MSI2: variants seen among roughly 807,000 people sequenced by gnomAD.
The protein encoded by MSI2 is musashi RNA binding protein 2, also known as RNA-binding protein Musashi homolog 2.
Under a neutral mutation model 45.6 loss-of-function variants are expected in MSI2, and 17 were observed. The ratio of observed to expected loss-of-function variants is 0.37; its 90% CI spans 0.26 to 0.56. The LOEUF is 0.56. Among genes scored for constraint, MSI2 ranks in the 20% least tolerant of loss-of-function variants. MSI2 has a pLI of 0.77. For missense variants in MSI2, 293 were observed against 444.2 expected (o/e 0.66, Z 3.06); for synonymous variants, 156 against 158.2 (o/e 0.99, Z 0.11).
At chr17:57,284,345 C>T (rs1179529661) in intron 5 of MSI2, among the ~76,000 whole-genome samples, 4 of 152,070 alleles carry the variant, frequency 2.6e-5, no homozygotes, top group African/African-American at 7.2e-5. Flanking sequence ...CCCGCCACCC[C>T]GAAACGTTTG....
intron 5 of MSI2, among the ~76,000 whole-genome samples, chr17:57,400,495 C>G (rs1166894210): frequency 6.6e-6 from 1 of 151,996 alleles, no homozygotes; most frequent in Non-Finnish European, 1.5e-5. Context: ...TGACGCTGTG[C>G]CTGGCCTGGT....
intron 7 of MSI2, among the ~76,000 whole-genome samples, chr17:57,576,304 T>C (rs1031030094): frequency 6.6e-6 from 1 of 152,222 alleles, no homozygotes; most frequent in Admixed American, 6.5e-5. Flanking sequence ...CTCACAGCCT[T>C]GAAGGCAAGG....
intron 7 of MSI2, among the ~76,000 whole-genome samples, chr17:57,582,688 G>A (rs2088237091): frequency 6.6e-6 from 1 of 152,162 alleles, no homozygotes; most frequent in Non-Finnish European, 1.5e-5. Context: ...TTATGCAAAG[G>A]ATTTTGTTGA....
chr17:57,388,918 T>G (rs912671090), intron 5 of MSI2, among the ~76,000 whole-genome samples: 3 of 151,342 alleles, frequency 2.0e-5, no homozygotes, highest in African/African-American at 4.9e-5. Flanking sequence ...CCTCCCAGAG[T>G]GCTGAGATGA....
intron 5 of MSI2, chr17:57,268,549 A>C (rs1908034861): frequency 6.6e-6 from 1 of 151,982 alleles, no homozygotes; most frequent in South Asian, 2.1e-4. Context: ...AAAAAAAAAA[A>C]AAACCCAGCC....
intron 6 of MSI2, among the ~76,000 whole-genome samples, chr17:57,489,267 T>C (rs115481450): frequency 0.013 from 1,945 of 152,124 alleles, 34 homozygotes; most frequent in African/African-American, 0.045. Context: ...GGTGTTGGCA[T>C]TGGGGTCTGA....
At chr17:57,701,052 G>A in the MSI2 span, among the ~76,000 whole-genome samples, 1 of 152,164 alleles carries the variant, frequency 6.6e-6, no homozygotes, top group Non-Finnish European at 1.5e-5. Context: ...AAGAGCCCCA[G>A]ACAGAGTTTA....
chr17:57,285,939 A>G (rs1481382038), intron 5 of MSI2: 3 of 1,534,510 alleles, frequency 2.0e-6, no homozygotes, highest in Non-Finnish European at 2.6e-6. Flanking sequence ...CACGTGAATC[A>G]GTATCTTTTT....
At chr17:57,329,593 G>T (rs939090586) in intron 5 of MSI2, among the ~76,000 whole-genome samples, 15 of 152,302 alleles carry the variant, frequency 9.8e-5, no homozygotes, top group African/African-American at 3.6e-4. Context: ...GGGTTAGGGG[G>T]TGTGTGTCAC....
chr17:57,324,354 C>T (rs75056911), intron 5 of MSI2, among the ~76,000 whole-genome samples: 2,749 of 152,212 alleles, frequency 0.018, 82 homozygotes, highest in East Asian at 0.091. Flanking sequence ...GGCAGCTTTT[C>T]CTCATCTTAC....
At chr17:57,326,996 A>G (rs1424377097) in intron 5 of MSI2, among the ~76,000 whole-genome samples, 6 of 151,154 alleles carry the variant, frequency 4.0e-5, no homozygotes, top group African/African-American at 1.5e-4. Flanking sequence ...GAAGGGAAAA[A>G]CCTCCCGTGG....
chr17:57,428,554 G>A (rs952944584), intron 6 of MSI2, among the ~76,000 whole-genome samples: 5 of 152,134 alleles, frequency 3.3e-5, no homozygotes, highest in Admixed American at 1.3e-4. Flanking sequence ...ATAGGTGTGT[G>A]CCACTGCTTC....
chr17:57,557,982 C>T (rs2144226840), intron 7 of MSI2, among the ~76,000 whole-genome samples: 1 of 152,296 alleles, frequency 6.6e-6, no homozygotes, highest in South Asian at 2.1e-4. Flanking sequence ...CACACACCCT[C>T]CTTCTTGGCT....
chr17:57,261,160 C>T (rs1398720684), intron 4 of MSI2, among the ~76,000 whole-genome samples: 2 of 152,124 alleles, frequency 1.3e-5, no homozygotes, highest in African/African-American at 4.8e-5. Context: ...TTTTTTCCTC[C>T]CTCACATCAG....
chr17:57,336,368 C>T (rs999323318), intron 5 of MSI2, among the ~76,000 whole-genome samples: 2 of 152,180 alleles, frequency 1.3e-5, no homozygotes, highest in African/African-American at 2.4e-5. Context: ...GAAACCTTTC[C>T]ACATTCCCAG....
chr17:57,390,048 C>T (rs754202399), intron 5 of MSI2, among the ~76,000 whole-genome samples: 13 of 144,632 alleles, frequency 9.0e-5, no homozygotes, highest in East Asian at 2.0e-4. Flanking sequence ...GACCAGCCTG[C>T]GTAACATAGC....
chr17:57,425,689 T>C (rs1209683411), intron 6 of MSI2, among the ~76,000 whole-genome samples: 1 of 152,264 alleles, frequency 6.6e-6, no homozygotes, highest in Non-Finnish European at 1.5e-5. Flanking sequence ...TTTGGTATTA[T>C]AGCCAGTTCT....
At chr17:57,324,911 G>C (rs896627874) in intron 5 of MSI2, among the ~76,000 whole-genome samples, 1 of 152,186 alleles carries the variant, frequency 6.6e-6, no homozygotes, top group African/African-American at 2.4e-5. Flanking sequence ...TTGTGAGCTG[G>C]AGGAGAGCAA....
At position 57,289,797 on chromosome 17, in the gene MSI2, GGCAGCCCGGT is replaced by G. The variant is rs1910250311; in HGVS notation, c.312+27609_312+27618del. On this transcript the variant is annotated intron_variant, in intron 5 of 13. Transcript: ENST00000284073. The stretch of plus-strand genomic sequence containing the variant: ...TCCCTCTGCTGCAGGAGTGCTGCCC[GGCAGCCCGGT>G]GCACCCTGCTCTTGTGAGAAGCTCG... Among the ~76,000 whole-genome samples the G allele has an allele frequency of 2.0e-5, 3 of 152,222 alleles. No individual in the cohort carries two copies. The South Asian group carries it at 6.2e-4, about 32-fold the overall frequency.
Sources: gnomAD v4.1 joint callset for allele counts (sites outside exome capture counted in the v4.1 genomes callset) on GRCh38, gnomAD v4.1.1 for gene constraint, MANE v1.5 for transcripts, NCBI Gene and HGNC (gene_info 2026-07-23, HGNC 2026-07-21) for gene names.